BANK1: variants seen among roughly 807,000 people sequenced by gnomAD.
BANK1 encodes the protein B-cell scaffold protein with ankyrin repeats.
In BANK1, 95 loss-of-function variants were observed where a neutral mutation model predicts 94.5. That is an observed-to-expected ratio of 1.00 (90% CI 0.85 to 1.19). The LOEUF is 1.19. Among genes scored for constraint, BANK1 ranks in the 50% most tolerant of loss-of-function variants. The pLI is 0.00. For missense variants in BANK1, 987 were observed against 932.2 expected (o/e 1.06, Z -0.77); for synonymous variants, 334 against 308.4 (o/e 1.08, Z -0.87).
At chr4:102,071,102 C>T (rs988974244) in intron 13 of BANK1, among the ~76,000 whole-genome samples, 173 bp from the exon 14 acceptor site, 7 of 152,074 alleles carry the variant, frequency 4.6e-5, no homozygotes, top group African/African-American at 1.7e-4. Flanking sequence ...CATGGTTTCA[C>T]TCACAGTGGC....
chr4:101,907,623 T>C (rs1722498835), intron 6 of BANK1, among the ~76,000 whole-genome samples: 1 of 152,230 alleles, frequency 6.6e-6, no homozygotes, highest in Non-Finnish European at 1.5e-5. Flanking sequence ...TTGTCCCTGT[T>C]TGCAGATGAC....
At position 101,827,335 on chromosome 4, in the gene BANK1, C is replaced by A. The variant is rs2148862205; in HGVS notation, c.71-2473C>A. Among the ~76,000 whole-genome samples the A allele has an allele frequency of 2.0e-5, 3 of 151,708 alleles. No individual in the cohort carries two copies. The South Asian group carries it at 6.2e-4, about 32-fold the overall frequency. ...ATGATATATTTTAAGATAAAAATTT[C>A]TTTGACTACTTTTTAGATTATTTAT... is the stretch of plus-strand genomic sequence containing the variant. On this transcript the variant is annotated intron_variant, in intron 1 of 16. Coordinates refer to ENST00000322953, the MANE Select transcript of BANK1 (RefSeq NM_017935.5).
At chr4:102,041,020 A>C (rs1219840349) in intron 10 of BANK1, among the ~76,000 whole-genome samples, 1 of 152,076 alleles carries the variant, frequency 6.6e-6, no homozygotes, top group Non-Finnish European at 1.5e-5. Context: ...TTTTGGTTAC[A>C]ATACATTTAA....
At chr4:101,998,283 G>T (rs193138378) in intron 7 of BANK1, among the ~76,000 whole-genome samples, 2 of 151,882 alleles carry the variant, frequency 1.3e-5, no homozygotes, top group Non-Finnish European at 2.9e-5. Context: ...TCTGAGAGAC[G>T]GTTTGTTATT....
chr4:101,806,624 A>G (rs1725564224), intron 1 of BANK1, among the ~76,000 whole-genome samples: 1 of 152,216 alleles, frequency 6.6e-6, no homozygotes, highest in African/African-American at 2.4e-5. Flanking sequence ...CCATGAGAAT[A>G]CTTGGTTCAT....
At chr4:101,824,731 G>T (rs1452968784) in intron 1 of BANK1, among the ~76,000 whole-genome samples, 1 of 151,182 alleles carries the variant, frequency 6.6e-6, no homozygotes, top group Admixed American at 6.6e-5. Flanking sequence ...TTAGAAAAAT[G>T]TAATACTGGA....
At chr4:101,857,550 G>A (rs1727721700) in intron 3 of BANK1, among the ~76,000 whole-genome samples, 1 of 152,136 alleles carries the variant, frequency 6.6e-6, no homozygotes, top group Admixed American at 6.5e-5. Flanking sequence ...AGTGGGTGCT[G>A]TTGCTACTAC....
At chr4:101,842,782 A>G (rs892116675) in intron 2 of BANK1, among the ~76,000 whole-genome samples, 5 of 152,236 alleles carry the variant, frequency 3.3e-5, no homozygotes, top group African/African-American at 4.8e-5. Flanking sequence ...ATGCTGTCAC[A>G]GGTGGTGAAT....
At chr4:101,851,592 G>A (rs893004024) in intron 2 of BANK1, among the ~76,000 whole-genome samples, 1 of 152,138 alleles carries the variant, frequency 6.6e-6, no homozygotes, top group Admixed American at 6.5e-5. Context: ...TTTTAGTTGA[G>A]AATCACTGTC....
intron 5 of BANK1, among the ~76,000 whole-genome samples, chr4:101,876,199 A>G (rs551103485): frequency 1.6e-4 from 24 of 152,302 alleles, no homozygotes; most frequent in Non-Finnish European, 3.1e-4. Flanking sequence ...ATATCCAGGT[A>G]CTACATCAAG....
intron 2 of BANK1, among the ~76,000 whole-genome samples, chr4:101,836,430 A>G (rs139969535): frequency 0.024 from 3,690 of 152,340 alleles, 96 homozygotes; most frequent in Middle Eastern, 0.041. Context: ...CCGTGAGCCC[A>G]GATGGTGCCA....
Position 101,922,001 on chromosome 4 carries a change from A to G in BANK1, c.1206+3812A>G, listed in dbSNP as rs1281118178. On this transcript the variant is annotated intron_variant, in intron 7 of 16. Transcript: ENST00000322953. ...TACACTGCTCTTTGTCCCTGTGGACACTGGGCCCGTGTGTGTGTGTGTGTG... is the reference window on the plus strand; with the variant it reads ...TACACTGCTCTTTGTCCCTGTGGACGCTGGGCCCGTGTGTGTGTGTGTGTG... Among the ~76,000 whole-genome samples, 4 of 141,962 alleles carry G rather than the reference A, an allele frequency of 2.8e-5. No individual in the cohort carries two copies. In the East Asian group the frequency reaches 6.7e-4, roughly 24 times the overall value. The allele number at this position is 141,962 out of a possible 152,430, so 93.1% of individuals were successfully genotyped here. A position where few individuals can be genotyped will look rare whatever the true frequency, so the allele number is the denominator to read the frequency against.
chr4:101,821,789 G>A (rs1412666666), intron 1 of BANK1, among the ~76,000 whole-genome samples: 1 of 152,036 alleles, frequency 6.6e-6, no homozygotes, highest in Non-Finnish European at 1.5e-5. Context: ...ATGAAAACTG[G>A]ACCCATGAAA....
chr4:102,039,581 T>G (rs1041686914), intron 10 of BANK1, among the ~76,000 whole-genome samples: 9 of 152,026 alleles, frequency 5.9e-5, no homozygotes, highest in Non-Finnish European at 1.3e-4. Context: ...GCTACAAGGA[T>G]TGAGTTATGA....
chr4:101,810,647 T>G (rs1486698176), intron 1 of BANK1, among the ~76,000 whole-genome samples: 2 of 152,194 alleles, frequency 1.3e-5, no homozygotes, highest in African/African-American at 4.8e-5. Context: ...TATTGTTTAT[T>G]TACAATCAGT....
chr4:102,047,465 C>T (rs1234673817), intron 11 of BANK1, among the ~76,000 whole-genome samples: 1 of 151,994 alleles, frequency 6.6e-6, no homozygotes, highest in African/African-American at 2.4e-5. Flanking sequence ...TCCCACTGTG[C>T]CTTTAGCTCT....
chr4:101,815,523 AT>A (rs1725881487), intron 1 of BANK1, among the ~76,000 whole-genome samples: 1 of 152,136 alleles, frequency 6.6e-6, no homozygotes, highest in Admixed American at 6.6e-5. Flanking sequence ...TCACTTTTAA[AT>A]TACACCAACA....
chr4:102,029,811 AT>A, intron 9 of BANK1, 148 bp from the exon 10 acceptor site: 1 of 615,272 alleles, frequency 1.6e-6, no homozygotes, highest in Non-Finnish European at 2.8e-6. Context: ...CATATAAATT[AT>A]TCTCCTGGAG....
Position 102,043,864 on chromosome 4 carries a change from A to C in BANK1, c.1926A>C (p.Arg642Ser). Residue 642 changes from arginine (R) to serine (S), a missense_variant, in exon 11 of 17, where the codon AGA becomes AGC. Coordinates refer to ENST00000322953, the MANE Select transcript of BANK1 (RefSeq NM_017935.5). The part of the protein sequence containing the change: ...AQVFQQKTAR[R>S]QSDDDKFCGL... ...TGTTTCAACAAAAGACAGCCAGAAG[A>C]CAATCTGATGATGACAAGTTCTGTG... 2 of 1,603,878 alleles carry C rather than the reference A, an allele frequency of 1.2e-6. No homozygotes were observed. Among genetic ancestry groups the C allele is most frequent in the Middle Eastern group, 1.7e-4 (1 of 5,986 alleles).
Sources: gnomAD v4.1 joint callset for allele counts (sites outside exome capture counted in the v4.1 genomes callset) on GRCh38, gnomAD v4.1.1 for gene constraint, MANE v1.5 for transcripts, NCBI Gene and HGNC (gene_info 2026-07-23, HGNC 2026-07-21) for gene names.